Variants in NME5 observed in about 807,000 individuals in gnomAD.
NME5 encodes NME/NM23 family member 5, also known as nucleoside diphosphate kinase 5.
In NME5, 18 loss-of-function variants were observed where a neutral mutation model predicts 21.6. The ratio of observed to expected loss-of-function variants is 0.83; its 90% CI spans 0.58 to 1.24. The LOEUF (loss-of-function observed/expected upper bound fraction) is 1.24, where lower values mean the gene tolerates loss of function less well. NME5 is among the 50% of genes most tolerant of loss of function. The pLI, the probability that NME5 is intolerant of heterozygous loss-of-function variation, is 0.00. For missense variants in NME5, 223 were observed against 255.4 expected (o/e 0.87, Z 0.86); for synonymous variants, 70 against 80.6 (o/e 0.87, Z 0.71).
In NME5 at chr5:138,118,869, A is replaced by C. The variant is rs1751222277; in HGVS notation, c.504T>G (p.Thr168=). The part of the protein sequence containing the change: ...KDYLNLHIMP[T]LLEGLTELCK... ...AAAGCTCTGTGAGTCCTTCAAGCAG[A>C]GTTGGCATTATATGTAAATTTAAAT... Residue 168 remains threonine (T), a synonymous_variant, in exon 5 of 6, where the codon ACT becomes ACG. Transcript: ENST00000265191. 1 of 1,613,658 alleles carries C rather than the reference A, an allele frequency of 6.2e-7. No homozygotes were observed. Among genetic ancestry groups the C allele is most frequent in the African/African-American group, 1.3e-5 (1 of 74,906 alleles).
At chr5:138,136,840 TC>T (rs1310220342) in intron 2 of NME5, among the ~76,000 whole-genome samples, 3 of 151,794 alleles carry the variant, frequency 2.0e-5, no homozygotes, top group African/African-American at 7.3e-5. Context: ...ATGGGGTTTC[TC>T]CATGTTGGTC....
At position 138,129,287 on chromosome 5, in the gene NME5, A is replaced by G. The variant is rs1489460246; in HGVS notation, c.311T>C (p.Val104Ala). 2.5e-6 allele frequency: 4 copies of G among 1,613,394 alleles called. No individual in the cohort carries two copies. The highest frequency in any genetic ancestry group is 3.4e-6 in the Non-Finnish European group (4 of 1,179,540). Residue 104 changes from valine to alanine, a missense_variant, in exon 3 of 6, where the codon GTA becomes GCA. Val to Ala is a moderately conservative substitution (Grantham distance 64, BLOSUM62 0). Coordinates refer to ENST00000265191, the MANE Select transcript of NME5 (RefSeq NM_003551.3). ...LELLGPNNSL[V>A]AKETHPDSLR... Reference sequence around the variant, plus strand: ...CCTGTCTGGATGTGTCTCCTTCGCTACTAAGCTATTATTTGGTCCCAAAAG... The same window carrying G: ...CCTGTCTGGATGTGTCTCCTTCGCTGCTAAGCTATTATTTGGTCCCAAAAG...
chr5:138,132,940 G>GT (rs566088397), intron 2 of NME5, among the ~76,000 whole-genome samples: 2,404 of 145,446 alleles, frequency 0.017, 23 homozygotes, highest in Non-Finnish European at 0.019. Context: ...GCGTATTAGC[G>GT]TTTTTTTTTT....
chr5:138,122,441 T>TAAAAAAAAAAAAAAAAAAAAAA lies in NME5; in HGVS notation c.437-3527_437-3506dup, dbSNP rs70979581. Among the ~76,000 whole-genome samples, 270 of 34,466 alleles carry TAAAAAAAAAAAAAAAAAAAAAA rather than the reference T, an allele frequency of 7.8e-3. 7 individuals are homozygous for TAAAAAAAAAAAAAAAAAAAAAA. Among genetic ancestry groups the TAAAAAAAAAAAAAAAAAAAAAA allele is most frequent in the South Asian group, 0.012 (7 of 566 alleles). 22.6% of individuals were successfully genotyped at this position (34,466 alleles called of 152,430 possible). A position where few individuals can be genotyped will look rare whatever the true frequency, so the allele number is the denominator to read the frequency against. On this transcript the variant is annotated intron_variant, in intron 4 of 5. Transcript: ENST00000265191. ...GGTGACAAGAGCGAAACTCTGTCTCTAAAAAAAAAAAAAAAAAAAAAAAAA... is the reference window on the plus strand; with the variant it reads ...GGTGACAAGAGCGAAACTCTGTCTCTAAAAAAAAAAAAAAAAAAAAAAAAAAAAAAAAAAAAAAAAAAAAAAA...
intron 4 of NME5, among the ~76,000 whole-genome samples, chr5:138,120,230 CTTTTTTTTTT>C (rs59354099): frequency 1.1e-5 from 1 of 87,148 alleles, no homozygotes. Flanking sequence ...GCTCCCAGCT[CTTTTTTTTTT>C]TTTTTTTTTT....
Position 138,115,510 on chromosome 5 carries a change from C to A in NME5, c.*171G>T, listed in dbSNP as rs1350194255. The A allele has an allele frequency of 4.5e-6, 2 of 440,942 alleles. No individual in the cohort carries two copies. The highest frequency in any genetic ancestry group is 4.0e-5 in the African/African-American group (2 of 49,652). The allele number at this position is 440,942 out of a possible 1,614,324, so 27.3% of individuals were successfully genotyped here. ...AATCATACTCTAAGCCTATATTTTA[C>A]CTTAATGTTATCTGCTTCATAGAAT... On this transcript the variant is annotated 3_prime_UTR_variant, in exon 6 of 6. Transcript: ENST00000265191.
chr5:138,126,492 C>T (rs1751428239), intron 4 of NME5, among the ~76,000 whole-genome samples: 1 of 86,424 alleles, frequency 1.2e-5, no homozygotes, highest in Non-Finnish European at 2.0e-5. Context: ...GCCTGGGCAA[C>T]AGAGTGAGAA....
At chr5:138,119,363 A>T (rs1158048319) in intron 4 of NME5, among the ~76,000 whole-genome samples, 1 of 151,734 alleles carries the variant, frequency 6.6e-6, no homozygotes, top group East Asian at 2.0e-4. Flanking sequence ...ATGCCTGGCT[A>T]ATTTTTGTAC....
intron 2 of NME5, among the ~76,000 whole-genome samples, chr5:138,132,041 G>A (rs1169990530): frequency 7.9e-5 from 12 of 152,108 alleles, no homozygotes; most frequent in Non-Finnish European, 1.6e-4. Flanking sequence ...CACCGCGCCC[G>A]GCCTTGAGAG....
At chr5:138,128,392 A>G (rs1329994882) in intron 4 of NME5, 87 bp downstream of exon 4, 15 of 999,906 alleles carry the variant, frequency 1.5e-5, no homozygotes, top group Non-Finnish European at 1.8e-5. Flanking sequence ...AAATTATTTT[A>G]TCTTCCTTCC....
intron 2 of NME5, among the ~76,000 whole-genome samples, chr5:138,132,558 T>C (rs1751593617): frequency 6.6e-6 from 1 of 152,170 alleles, no homozygotes; most frequent in South Asian, 2.1e-4. Context: ...CTTTCTAAAA[T>C]GTCTTAGATT....
Position 138,129,371 on chromosome 5 carries a change from G to A in NME5, c.227C>T (p.Ser76Phe). 2 of 1,613,848 alleles carry A rather than the reference G, an allele frequency of 1.2e-6. No individual in the cohort carries two copies. Among genetic ancestry groups the A allele is most frequent in the Non-Finnish European group, 1.7e-6 (2 of 1,179,854 alleles). Residue 76 changes from serine to phenylalanine, a missense_variant, in exon 3 of 6, where the codon TCT (serine) becomes TTT (phenylalanine). Transcript: ENST00000265191. ...TAATATCATGGCGACAAGTGGTCCA[G>A]AACTCATGTAAGCTGTTAAGTTGGG... is the stretch of plus-strand genomic sequence containing the variant. ...FFPNLTAYMS[S>F]GPLVAMILAR... is the part of the protein sequence containing the mutation.
intron 2 of NME5, among the ~76,000 whole-genome samples, chr5:138,133,609 G>C (rs1751623928): frequency 6.6e-6 from 1 of 152,146 alleles, no homozygotes; most frequent in Non-Finnish European, 1.5e-5. Flanking sequence ...AGAACTCTTA[G>C]TTTGTAACAA....
Position 138,131,762 on chromosome 5 carries a change from C to T in NME5, c.130-2294G>A, listed in dbSNP as rs566965242. Among the ~76,000 whole-genome samples, 12 of 149,650 alleles carry T rather than the reference C, an allele frequency of 8.0e-5. No individual in the cohort carries two copies. In the South Asian group the frequency reaches 1.5e-3, roughly 18 times the overall value. On this transcript the variant is annotated intron_variant, in intron 2 of 5. Coordinates refer to ENST00000265191, the MANE Select transcript of NME5 (RefSeq NM_003551.3). ...TTTTTTTTTTTTTATTTTTTTGAAA[C>T]GGAGTTTTGCTCTGTCACCCAGGCT...
At chr5:138,128,204 ACACTGTCTTAAATTTT>A (rs1299982648) in intron 4 of NME5, among the ~76,000 whole-genome samples, 1 of 152,184 alleles carries the variant, frequency 6.6e-6, no homozygotes, top group Admixed American at 6.5e-5. Flanking sequence ...CGACAGTGAG[ACACTGTCTTAAATTTT>A]TTTAATGTTA....
At chr5:138,135,771 C>A (rs1434951674) in intron 2 of NME5, among the ~76,000 whole-genome samples, 1 of 152,180 alleles carries the variant, frequency 6.6e-6, no homozygotes, top group East Asian at 1.9e-4. Context: ...ACTGAAAAAT[C>A]TTATTCCTAT....
intron 2 of NME5, among the ~76,000 whole-genome samples, chr5:138,130,023 A>C (rs1168277049): frequency 6.6e-6 from 1 of 152,196 alleles, no homozygotes; most frequent in African/African-American, 2.4e-5. Flanking sequence ...CTCCTTCTTA[A>C]AGTAAATAAC....
chr5:138,137,330 A>AT (rs1009179688), intron 2 of NME5, among the ~76,000 whole-genome samples: 1 of 151,422 alleles, frequency 6.6e-6, no homozygotes, highest in Non-Finnish European at 1.5e-5. Flanking sequence ...TTATTTATTT[A>AT]TTTTTTGAGA....
intron 4 of NME5, among the ~76,000 whole-genome samples, chr5:138,122,720 C>T (rs1751315483): frequency 6.7e-6 from 1 of 150,012 alleles, no homozygotes; most frequent in South Asian, 2.1e-4. Flanking sequence ...CTCTGTTGCC[C>T]AGGCTGGAGT....
Sources: gnomAD v4.1 joint callset for allele counts (sites outside exome capture counted in the v4.1 genomes callset) on GRCh38, gnomAD v4.1.1 for gene constraint, MANE v1.5 for transcripts, NCBI Gene and HGNC (gene_info 2026-07-23, HGNC 2026-07-21) for gene names.